ATP13A3: variants seen among roughly 807,000 people sequenced by gnomAD.
ATP13A3 encodes ATPase 13A3, also known as polyamine-transporting ATPase 13A3.
Under a neutral mutation model 158.1 loss-of-function variants are expected in ATP13A3, and 59 were observed. The ratio of observed to expected loss-of-function variants is 0.37; its 90% CI spans 0.30 to 0.46. The LOEUF (loss-of-function observed/expected upper bound fraction) is 0.46. ATP13A3 is among the 20% of genes least tolerant of loss of function. ATP13A3 has a pLI of 1.00. For synonymous variants in ATP13A3, 491 were observed against 504.3 expected (o/e 0.97, Z 0.35); for missense variants, 1,166 against 1,525.2 (o/e 0.76, Z 3.92).
chr3:194,458,884 T>C (rs914110795), intron 6 of ATP13A3: 12 of 152,166 alleles, frequency 7.9e-5, no homozygotes, highest in Non-Finnish European at 1.6e-4. Context: ...CATGATTTTC[T>C]TTTTACCGCT....
At chr3:194,491,059 A>G (rs763376412), upstream of ATP13A3, among the ~76,000 whole-genome samples, 4 of 152,128 alleles carry the variant, frequency 2.6e-5, no homozygotes, top group Non-Finnish European at 5.9e-5. Flanking sequence ...CAGGAGAATC[A>G]CTTGAACCCA....
chr3:194,413,645 A>ATTTG (rs1715599930), intron 32 of ATP13A3, 114 bp downstream of exon 32: 2 of 947,374 alleles, frequency 2.1e-6, no homozygotes, highest in Admixed American at 3.7e-5. Flanking sequence ...CCTGAGATGA[A>ATTTG]ACTGAGACTC....
At chr3:194,410,461 G>A (rs561513879) in intron 33 of ATP13A3, among the ~76,000 whole-genome samples, 31 of 152,076 alleles carry the variant, frequency 2.0e-4, no homozygotes, top group African/African-American at 5.1e-4. Context: ...CCAGCTACCC[G>A]GGAGGCTGAG....
intron 30 of ATP13A3, among the ~76,000 whole-genome samples, chr3:194,423,499 G>C (rs1426092320): frequency 6.6e-6 from 1 of 152,234 alleles, no homozygotes; most frequent in Non-Finnish European, 1.5e-5. Context: ...ACACAGACAA[G>C]AGGTGAAAAC....
In ATP13A3 at chr3:194,437,586, C is replaced by A. The variant is rs1267140184; in HGVS notation, c.1828-13G>T. 5 of 1,595,226 alleles carry A rather than the reference C, an allele frequency of 3.1e-6. No individual in the cohort carries two copies. In the African/African-American group the frequency reaches 4.1e-5, roughly 13 times the overall value. On this transcript the variant is annotated splice_polypyrimidine_tract_variant and intron_variant, in intron 17 of 33. Transcript: ENST00000645319. ...GTTCAAACAGCTCCTAAAAACGAAA[C>A]AAAACAAGAAAAAATAGTACAGATT... is the stretch of plus-strand genomic sequence containing the variant.
chr3:194,442,415 T>C (rs1428141874), intron 15 of ATP13A3, among the ~76,000 whole-genome samples: 2 of 152,088 alleles, frequency 1.3e-5, no homozygotes, highest in Non-Finnish European at 2.9e-5. Context: ...CTGGGAAATA[T>C]AGCGAGACAC....
intron 15 of ATP13A3, among the ~76,000 whole-genome samples, chr3:194,442,480 A>G (rs1004147655): frequency 6.6e-6 from 1 of 152,190 alleles, no homozygotes; most frequent in Non-Finnish European, 1.5e-5. Flanking sequence ...TAAATTTAAG[A>G]TAACAGAATG....
At chr3:194,467,664 C>T (rs992907538) in intron 2 of ATP13A3, among the ~76,000 whole-genome samples, 1 of 152,122 alleles carries the variant, frequency 6.6e-6, no homozygotes, top group Non-Finnish European at 1.5e-5. Context: ...TCCAACAGCT[C>T]TTACATTTAG....
rs918611818 is a variant in ATP13A3 at position 194,403,386 on chromosome 3, A to G, written c.*2533T>C. 1.2e-4 allele frequency: 19 copies of G among 152,366 alleles called. No homozygotes were observed. Among genetic ancestry groups the G allele is most frequent in the African/African-American group, 4.3e-4 (18 of 41,596 alleles). 9.4% of individuals were successfully genotyped at this position (152,366 alleles called of 1,614,324 possible). Reference sequence around the variant, plus strand: ...ATTGCTTTACAGCAGTTGGTGCTAGAAGATACAAAACATATAGTTACCACT... The same window carrying G: ...ATTGCTTTACAGCAGTTGGTGCTAGGAGATACAAAACATATAGTTACCACT... On this transcript the variant is annotated 3_prime_UTR_variant, in exon 34 of 34. Transcript: ENST00000645319.
intron 21 of ATP13A3, among the ~76,000 whole-genome samples, chr3:194,432,284 A>G (rs1026252625): frequency 1.3e-5 from 2 of 152,366 alleles, no homozygotes; most frequent in East Asian, 1.9e-4. Flanking sequence ...CACCAGCACC[A>G]TATCATAGAA....
intron 33 of ATP13A3, among the ~76,000 whole-genome samples, chr3:194,408,218 C>T (rs550914530): frequency 6.6e-6 from 1 of 152,216 alleles, no homozygotes; most frequent in East Asian, 1.9e-4. Context: ...CGGGGTTTCA[C>T]CACGTTGGCC....
chr3:194,471,324 T>TAA (rs59967046), intron 2 of ATP13A3, among the ~76,000 whole-genome samples: 1,624 of 87,906 alleles, frequency 0.018, 37 homozygotes, highest in African/African-American at 0.048. Flanking sequence ...CAGCAAATTC[T>TAA]AAAAAAAAAA....
chr3:194,456,057 G>C (rs1577074639), intron 7 of ATP13A3, 95 bp from the exon 8 acceptor site: 1 of 667,362 alleles, frequency 1.5e-6, no homozygotes, highest in African/African-American at 1.9e-5. Flanking sequence ...ACCACAGACT[G>C]TTCTTATTCA....
chr3:194,452,317 CCT>C (rs2108921847), intron 10 of ATP13A3: 1 of 152,292 alleles, frequency 6.6e-6, no homozygotes, highest in African/African-American at 2.4e-5. Context: ...ATGGTAACAC[CCT>C]GTTTCTACTA....
Position 194,410,296 on chromosome 3 carries a change from CAAAAAAAAAAAAAAAAAA to C in ATP13A3, c.3573+1885_3573+1902del, listed in dbSNP as rs772008929. 1.9e-3 allele frequency among the ~76,000 whole-genome samples: 41 copies of C among 21,822 alleles called. No individual in the cohort carries two copies. In the South Asian group the frequency reaches 0.021, roughly 11 times the overall value. 14.3% of individuals were successfully genotyped at this position (21,822 alleles called of 152,430 possible). A position where few individuals can be genotyped will look rare whatever the true frequency, so the allele number is the denominator to read the frequency against. On this transcript the variant is annotated intron_variant, in intron 33 of 33. Coordinates refer to ENST00000645319, the MANE Select transcript of ATP13A3 (RefSeq NM_001367549.1). ...GCAACATGGCAAAACCTCCTCTCTG[CAAAAAAAAAAAAAAAAAA>C]AAAAAAAAAAAAAAAAACTGCTGGG...
At chr3:194,421,516 C>G (rs1716374527) in intron 30 of ATP13A3, among the ~76,000 whole-genome samples, 1 of 144,558 alleles carries the variant, frequency 6.9e-6, no homozygotes. Context: ...TCACGCCACT[C>G]CACTCTAGCC....
At chr3:194,444,432 A>G (rs758608341) in intron 15 of ATP13A3, among the ~76,000 whole-genome samples, 4 of 152,240 alleles carry the variant, frequency 2.6e-5, no homozygotes, top group African/African-American at 7.2e-5. Context: ...TATGTACAGT[A>G]TATCATTCAT....
At position 194,464,760 on chromosome 3, in the gene ATP13A3, G is replaced by A. The variant is rs190614610; in HGVS notation, c.-46-2524C>T. ...TTGTAGTCATCACTCAGTAGTCACC[G>A]GGGTCTGTTTTGGTTTGGGTTTGTT... On this transcript the variant is annotated intron_variant, in intron 2 of 33. Coordinates refer to ENST00000645319, the MANE Select transcript of ATP13A3 (RefSeq NM_001367549.1). Among the ~76,000 whole-genome samples, 104 of 152,192 alleles carry A rather than the reference G, an allele frequency of 6.8e-4. 1 individual carries two copies. The highest frequency in any genetic ancestry group is 2.3e-3 in the African/African-American group (95 of 41,508).
rs1225091395 is a variant in ATP13A3, at chr3:194,427,638, TAA to T, written c.2948-388_2948-387del. ...ACATAGTGAAACCCCATCTCTACAATAAATAAATAAATAAATAAATAAATAAA... is the reference window on the plus strand; with the variant it reads ...ACATAGTGAAACCCCATCTCTACAATATAAATAAATAAATAAATAAATAAA... On this transcript the variant is annotated intron_variant, in intron 28 of 33. Coordinates refer to ENST00000645319, the MANE Select transcript of ATP13A3 (RefSeq NM_001367549.1). 7.0e-3 allele frequency among the ~76,000 whole-genome samples: 66 copies of T among 9,446 alleles called. No homozygotes were observed. In the African/African-American group the frequency reaches 0.081, roughly 12 times the overall value. 6.2% of individuals were successfully genotyped at this position (9,446 alleles called of 152,430 possible). A position where few individuals can be genotyped will look rare whatever the true frequency, so the allele number is the denominator to read the frequency against.
Sources: allele counts gnomAD v4.1 joint callset (sites outside exome capture counted in the v4.1 genomes callset), GRCh38; gene constraint gnomAD v4.1.1; transcripts MANE v1.5; gene names NCBI Gene and HGNC (gene_info 2026-07-23, HGNC 2026-07-21).